Variants in SCHIP1 observed in about 807,000 individuals in gnomAD.
SCHIP1 encodes schwannomin-interacting protein 1.
Under a neutral mutation model 29.7 loss-of-function variants are expected in SCHIP1, and 8 were observed. That is an observed-to-expected ratio of 0.27 (90% CI 0.16 to 0.49). The LOEUF (loss-of-function observed/expected upper bound fraction) is 0.49. Ranked by LOEUF, SCHIP1 falls within the 20% of genes least tolerant of loss-of-function variation. SCHIP1 has a pLI of 0.99. For missense variants in SCHIP1, 193 were observed against 294.6 expected (o/e 0.66, Z 2.52); for synonymous variants, 76 against 94.9 (o/e 0.80, Z 1.16).
the SCHIP1 span, among the ~76,000 whole-genome samples, chr3:159,626,121 G>T: frequency 0.015 from 1,680 of 113,432 alleles, 107 homozygotes; most frequent in African/African-American, 0.098. Flanking sequence ...TAGATAGATA[G>T]ATAGATAGAT....
chr3:159,747,976 T>A, the SCHIP1 span, among the ~76,000 whole-genome samples: 1 of 152,226 alleles, frequency 6.6e-6, no homozygotes, highest in Non-Finnish European at 1.5e-5. Context: ...ATCCAACTAT[T>A]TTGATCATAA....
At chr3:159,687,139 T>G in the SCHIP1 span, among the ~76,000 whole-genome samples, 2 of 152,194 alleles carry the variant, frequency 1.3e-5, no homozygotes, top group African/African-American at 4.8e-5. Flanking sequence ...AGGTGCAGCA[T>G]GGACTGCCTC....
chr3:159,310,480 G>A, the SCHIP1 span, among the ~76,000 whole-genome samples: 1 of 152,124 alleles, frequency 6.6e-6, no homozygotes, highest in African/African-American at 2.4e-5. Flanking sequence ...CATTCAACCA[G>A]AGGAAGGCTG....
the SCHIP1 span, among the ~76,000 whole-genome samples, chr3:159,402,534 A>G: frequency 2.6e-5 from 4 of 152,232 alleles, no homozygotes; most frequent in Non-Finnish European, 5.9e-5. Flanking sequence ...ACCAACCCAA[A>G]TGTCCAAACA....
At chr3:159,389,582 G>A in the SCHIP1 span, among the ~76,000 whole-genome samples, 1 of 152,036 alleles carries the variant, frequency 6.6e-6, no homozygotes, top group African/African-American at 2.4e-5. Context: ...ACATGCATAA[G>A]GATAATTAGA....
the SCHIP1 span, among the ~76,000 whole-genome samples, chr3:159,570,063 A>T: frequency 6.6e-6 from 1 of 152,250 alleles, no homozygotes; most frequent in South Asian, 2.1e-4. Context: ...AGATGAGTAG[A>T]TTGCAAAAAT....
the SCHIP1 span, among the ~76,000 whole-genome samples, chr3:159,600,451 TTTC>T: frequency 6.6e-6 from 1 of 152,266 alleles, no homozygotes; most frequent in Non-Finnish European, 1.5e-5. Flanking sequence ...TCTGAGATTC[TTTC>T]TTCTACATGG....
the SCHIP1 span, among the ~76,000 whole-genome samples, chr3:159,668,403 G>A: frequency 2.8e-5 from 4 of 141,088 alleles, no homozygotes; most frequent in South Asian, 6.4e-4. Flanking sequence ...AAAAGAGTGA[G>A]TCCCATGAAG....
chr3:159,589,228 T>C, the SCHIP1 span, among the ~76,000 whole-genome samples: 6 of 152,210 alleles, frequency 3.9e-5, no homozygotes, highest in African/African-American at 7.2e-5. Flanking sequence ...TTTGAAGCAA[T>C]TGTGGATGCG....
the SCHIP1 span, among the ~76,000 whole-genome samples, chr3:159,750,296 TACACAC>T: frequency 1.7e-4 from 23 of 132,778 alleles, no homozygotes; most frequent in East Asian, 1.3e-3. Flanking sequence ...TATATATATA[TACACAC>T]ACACACACAC....
chr3:159,630,201 C>T, the SCHIP1 span, among the ~76,000 whole-genome samples: 1 of 152,188 alleles, frequency 6.6e-6, no homozygotes, highest in African/African-American at 2.4e-5. Context: ...CACTGACCTT[C>T]AGGGGCTCAA....
chr3:159,692,089 C>G, the SCHIP1 span, among the ~76,000 whole-genome samples: 1 of 140,272 alleles, frequency 7.1e-6, no homozygotes, highest in Non-Finnish European at 1.5e-5. Flanking sequence ...ACTGCAGTGG[C>G]GCAATCTCGG....
At chr3:159,805,198 G>C in the SCHIP1 span, among the ~76,000 whole-genome samples, 1 of 152,190 alleles carries the variant, frequency 6.6e-6, no homozygotes, top group South Asian at 2.1e-4. Flanking sequence ...CTAAAAGAAG[G>C]AGAGTGGTGT....
the SCHIP1 span, among the ~76,000 whole-genome samples, chr3:159,278,113 A>G: frequency 2.2e-4 from 34 of 152,272 alleles, no homozygotes; most frequent in Middle Eastern, 0.01. Flanking sequence ...AGACATGGAT[A>G]AGGGTCATCA....
the SCHIP1 span, among the ~76,000 whole-genome samples, chr3:159,617,505 C>T: frequency 6.6e-6 from 1 of 152,244 alleles, no homozygotes; most frequent in South Asian, 2.1e-4. Context: ...AACTTACAGT[C>T]TTCATCACAC....
the SCHIP1 span, among the ~76,000 whole-genome samples, chr3:159,496,900 A>G: frequency 6.6e-6 from 1 of 152,224 alleles, no homozygotes; most frequent in Non-Finnish European, 1.5e-5. Context: ...TGTGGCACAT[A>G]TACTGCATGG....
the SCHIP1 span, among the ~76,000 whole-genome samples, chr3:159,743,882 C>A: frequency 1.3e-5 from 2 of 152,202 alleles, no homozygotes; most frequent in South Asian, 4.2e-4. Flanking sequence ...CATATGAATG[C>A]ACAGTAATAT....
chr3:159,537,677 A>G, the SCHIP1 span, among the ~76,000 whole-genome samples: 1 of 152,046 alleles, frequency 6.6e-6, no homozygotes, highest in Non-Finnish European at 1.5e-5. Flanking sequence ...GAGTACAGCT[A>G]CCCAACCATA....
chr3:159,704,390 G>A, the SCHIP1 span, among the ~76,000 whole-genome samples: 4 of 138,656 alleles, frequency 2.9e-5, no homozygotes, highest in Admixed American at 3.1e-4. Flanking sequence ...AGCCAAGATG[G>A]TGCCATTGCG....
Sources: allele counts gnomAD v4.1 joint callset (sites outside exome capture counted in the v4.1 genomes callset), GRCh38; gene constraint gnomAD v4.1.1; transcripts MANE v1.5; gene names NCBI Gene and HGNC (gene_info 2026-07-23, HGNC 2026-07-21).